SMYD3: variants seen among roughly 807,000 people sequenced by gnomAD.
The protein encoded by SMYD3 is SET and MYND domain containing 3, also known as histone-lysine N-methyltransferase SMYD3.
In SMYD3, 36 loss-of-function variants were observed where a neutral mutation model predicts 57.7. The ratio of observed to expected loss-of-function variants is 0.62; its 90% CI spans 0.48 to 0.82. The LOEUF is 0.82. SMYD3 is among the 40% of genes least tolerant of loss of function. The pLI is 0.00. For synonymous variants in SMYD3, 211 were observed against 195.0 expected (o/e 1.08, Z -0.68); for missense variants, 515 against 538.8 (o/e 0.96, Z 0.44).
chr1:246,464,218 A>C (rs1458574243), intron 1 of SMYD3, among the ~76,000 whole-genome samples: 1 of 152,128 alleles, frequency 6.6e-6, no homozygotes, highest in African/African-American at 2.4e-5. Context: ...AAAAGGTTTA[A>C]AGATACACAA....
chr1:246,159,131 A>G (rs1397981817), intron 5 of SMYD3, among the ~76,000 whole-genome samples: 1 of 152,116 alleles, frequency 6.6e-6, no homozygotes, highest in Non-Finnish European at 1.5e-5. Context: ...AACCATTAAA[A>G]AAGGTTTTTC....
At chr1:245,801,374 G>A (rs532743708) in intron 10 of SMYD3, among the ~76,000 whole-genome samples, 1 of 152,258 alleles carries the variant, frequency 6.6e-6, no homozygotes, top group South Asian at 2.1e-4. Context: ...TGGCCTGGAG[G>A]GCATGGAATC....
intron 5 of SMYD3, among the ~76,000 whole-genome samples, chr1:246,040,023 G>C (rs2059841336): frequency 6.6e-6 from 1 of 152,218 alleles, no homozygotes; most frequent in South Asian, 2.1e-4. Context: ...GACATGATCT[G>C]TGATGTAATA....
rs143920876 is a variant in SMYD3, at chr1:246,335,395, C to T, written c.308G>A (p.Arg103Gln). The change falls in exon 3 of 12, where the codon CGA becomes CAA. Residue 103 changes from arginine to glutamine, a missense_variant. Physicochemically the swap from Arg to Gln is conservative, Grantham distance 43. Coordinates refer to ENST00000490107, the MANE Select transcript of SMYD3 (RefSeq NM_001167740.2). ...TTTGAAGACAACTCTGCCAAGAAGT[C>T]GAACGGAGTCTGGAGGATATCTGGG... ...CKPRYPPDSV[R>Q]LLGRVVFKLM... The T allele has an allele frequency of 8.2e-5, 133 of 1,613,934 alleles. No individual in the cohort carries two copies. The highest frequency in any genetic ancestry group is 2.2e-4 in the South Asian group (20 of 91,080).
At chr1:246,122,678 T>C (rs1226661361) in intron 5 of SMYD3, among the ~76,000 whole-genome samples, 1 of 152,252 alleles carries the variant, frequency 6.6e-6, no homozygotes, top group Non-Finnish European at 1.5e-5. Context: ...CATTTAACTC[T>C]TAGCTGGACA....
At chr1:246,316,448 C>T (rs2065158975) in intron 5 of SMYD3, among the ~76,000 whole-genome samples, 1 of 151,394 alleles carries the variant, frequency 6.6e-6, no homozygotes. Context: ...CAACCTCCCC[C>T]TCCCAGGTTC....
chr1:246,015,039 C>G (rs1479066942), intron 5 of SMYD3, among the ~76,000 whole-genome samples: 1 of 152,090 alleles, frequency 6.6e-6, no homozygotes, highest in East Asian at 1.9e-4. Flanking sequence ...AACAGATGGT[C>G]CCAGGCCATG....
intron 5 of SMYD3, among the ~76,000 whole-genome samples, chr1:246,003,325 G>A (rs918450702): frequency 5.9e-5 from 9 of 152,230 alleles, no homozygotes; most frequent in African/African-American, 2.2e-4. Context: ...TGCTACCACA[G>A]CGCCATCTGG....
chr1:246,071,814 A>G (rs373151936), intron 5 of SMYD3, among the ~76,000 whole-genome samples: 221 of 137,668 alleles, frequency 1.6e-3, no homozygotes, highest in African/African-American at 3.3e-3. Context: ...TGTGCTTTCC[A>G]CTGTGCTCAC....
At position 245,762,498 on chromosome 1, in the gene SMYD3, G is replaced by T. The variant is rs375212196; in HGVS notation, c.1185+1543C>A. Among the ~76,000 whole-genome samples the T allele has an allele frequency of 2.0e-4, 31 of 152,274 alleles. No homozygotes were observed. The South Asian group carries it at 6.0e-3, about 30-fold the overall frequency. On this transcript the variant is annotated intron_variant, in intron 11 of 11. Transcript: ENST00000490107. ...TTGCTGTACCTTGCTGATTCGACTG[G>T]CTGACAAGTACCCCCAGACCAGAAA...
At chr1:245,911,316 A>G (rs1385160218) in intron 8 of SMYD3, among the ~76,000 whole-genome samples, 1 of 152,118 alleles carries the variant, frequency 6.6e-6, no homozygotes, top group Non-Finnish European at 1.5e-5. Context: ...AGGTTCCTCA[A>G]GAAACTACAA....
At chr1:246,289,396 C>T (rs926282508) in intron 5 of SMYD3, among the ~76,000 whole-genome samples, 3 of 152,168 alleles carry the variant, frequency 2.0e-5, no homozygotes, top group African/African-American at 7.2e-5. Flanking sequence ...GCATGCAGAA[C>T]GTCACCAGTT....
intron 1 of SMYD3, among the ~76,000 whole-genome samples, chr1:246,404,335 C>T (rs999832942): frequency 6.6e-6 from 1 of 152,086 alleles, no homozygotes; most frequent in African/African-American, 2.4e-5. Flanking sequence ...AAACATATGC[C>T]GCAATAATTA....
At chr1:245,822,531 A>G (rs2049224206) in intron 10 of SMYD3, among the ~76,000 whole-genome samples, 1 of 150,018 alleles carries the variant, frequency 6.7e-6, no homozygotes, top group Admixed American at 6.6e-5. Flanking sequence ...CATGTACCCT[A>G]AAACTTAAAG....
chr1:246,382,275 C>G (rs1434126435), intron 1 of SMYD3, among the ~76,000 whole-genome samples: 1 of 152,156 alleles, frequency 6.6e-6, no homozygotes, highest in African/African-American at 2.4e-5. Context: ...AAGACTCAGC[C>G]TCCGGGCCCA....
chr1:246,088,016 T>A (rs933905692), intron 5 of SMYD3, among the ~76,000 whole-genome samples: 1 of 152,240 alleles, frequency 6.6e-6, no homozygotes, highest in South Asian at 2.1e-4. Context: ...AAAAGAGCAA[T>A]CACTTGTTTA....
rs569772900 is a variant in SMYD3, at chr1:246,430,732, T to A, written c.165-75638A>T. Among the ~76,000 whole-genome samples, 10 of 152,240 alleles carry A rather than the reference T, an allele frequency of 6.6e-5. No individual in the cohort carries two copies. The South Asian group carries it at 2.1e-3, about 32-fold the overall frequency. Reference sequence around the variant, plus strand: ...TTATCTGGGGGTCATCAGGACTAGATGATAACTGAAGTTATGAAATAAATG... The same window carrying A: ...TTATCTGGGGGTCATCAGGACTAGAAGATAACTGAAGTTATGAAATAAATG... On this transcript the variant is annotated intron_variant, in intron 1 of 11. Coordinates refer to ENST00000490107, the MANE Select transcript of SMYD3 (RefSeq NM_001167740.2).
chr1:246,160,945 C>T (rs2062108231), intron 5 of SMYD3, among the ~76,000 whole-genome samples: 2 of 152,206 alleles, frequency 1.3e-5, no homozygotes, highest in African/African-American at 4.8e-5. Context: ...CAGCAGCAGA[C>T]AGAAGCTGGG....
chr1:245,823,496 C>A (rs1572441532), intron 10 of SMYD3, among the ~76,000 whole-genome samples: 1 of 152,350 alleles, frequency 6.6e-6, no homozygotes, highest in East Asian at 1.9e-4. Context: ...ACTGCGATTT[C>A]CTGGGCCAAA....
Sources: gnomAD v4.1 joint callset for allele counts (sites outside exome capture counted in the v4.1 genomes callset) on GRCh38, gnomAD v4.1.1 for gene constraint, MANE v1.5 for transcripts, NCBI Gene and HGNC (gene_info 2026-07-23, HGNC 2026-07-21) for gene names.